ERLEC1: variants seen among roughly 807,000 people sequenced by gnomAD.
The protein encoded by ERLEC1 is ER lectin.
ERLEC1 carries 47 observed loss-of-function variants against 68.0 expected under a neutral mutation model. That is an observed-to-expected ratio of 0.69 (90% CI 0.55 to 0.88). The LOEUF (loss-of-function observed/expected upper bound fraction) is 0.88, where lower values mean the gene tolerates loss of function less well. ERLEC1 is among the 40% of genes least tolerant of loss of function. ERLEC1 has a pLI of 0.00. For missense variants in ERLEC1, 567 were observed against 583.8 expected (o/e 0.97, Z 0.30); for synonymous variants, 225 against 203.2 (o/e 1.11, Z -0.91).
intron 2 of ERLEC1, among the ~76,000 whole-genome samples, 198 bp downstream of exon 2, chr2:53,794,647 T>A (rs888417132): frequency 1.3e-5 from 2 of 152,214 alleles, no homozygotes; most frequent in African/African-American, 2.4e-5. Flanking sequence ...AATCAATTTT[T>A]TTTTATTTTA....
At chr2:53,808,114 A>G (rs13387291) in intron 8 of ERLEC1, among the ~76,000 whole-genome samples, 185 bp from the exon 9 acceptor site, 18,940 of 152,164 alleles carry the variant, frequency 0.12, 2,013 homozygotes, top group African/African-American at 0.29. Flanking sequence ...AGATGGAACT[A>G]ACATTTGTCT....
rs184178068 is a variant in ERLEC1, at chr2:53,811,415, C to T, written c.1102-1534C>T. Among the ~76,000 whole-genome samples the T allele has an allele frequency of 3.9e-5, 6 of 152,332 alleles. 1 individual carries two copies. Among genetic ancestry groups the T allele is most frequent in the Admixed American group, 3.9e-4 (6 of 15,302 alleles). Reference sequence around the variant, plus strand: ...CCTTCCAGAGTTAGACCAGTTTACACTCCCATAAACAGTGGCTACATTCCT... The same window carrying T: ...CCTTCCAGAGTTAGACCAGTTTACATTCCCATAAACAGTGGCTACATTCCT... On this transcript the variant is annotated intron_variant, in intron 10 of 13. Transcript: ENST00000185150.
At chr2:53,790,427 T>C (rs142463022) in intron 1 of ERLEC1, among the ~76,000 whole-genome samples, 32 of 152,174 alleles carry the variant, frequency 2.1e-4, no homozygotes, top group African/African-American at 6.7e-4. Flanking sequence ...CTAACTAATA[T>C]GCAGCTGTAT....
chr2:53,810,518 G>T (rs1212694626), intron 10 of ERLEC1, among the ~76,000 whole-genome samples: 1 of 152,100 alleles, frequency 6.6e-6, no homozygotes, highest in African/African-American at 2.4e-5. Context: ...AAGCTGCTAG[G>T]TATTGAAGAC....
Position 53,814,850 on chromosome 2 carries a change from TC to T in ERLEC1, c.1305-9del. The T allele has an allele frequency of 6.3e-7, 1 of 1,596,398 alleles. No individual in the cohort carries two copies. The highest frequency in any genetic ancestry group is 8.6e-7 in the Non-Finnish European group (1 of 1,166,342). ...ATTTGGACAGTACCTTAAAGTGCTCTCTGTTTTAGGTGCAAAGAATCAGATT... is the reference window on the plus strand; with the variant it reads ...ATTTGGACAGTACCTTAAAGTGCTCTTGTTTTAGGTGCAAAGAATCAGATT... On this transcript the variant is annotated splice_polypyrimidine_tract_variant and intron_variant, in intron 12 of 13. Coordinates refer to ENST00000185150, the MANE Select transcript of ERLEC1 (RefSeq NM_015701.5).
rs571121329 is a variant in ERLEC1, at chr2:53,804,903, G to A, written c.879+3061G>A. ...AGATCCCGTAAATAAGTGAGAACAT[G>A]GGATGTTTGTTTTTCCGTGCATGGC... On this transcript the variant is annotated intron_variant, in intron 8 of 13. Transcript: ENST00000185150. 4.6e-5 allele frequency among the ~76,000 whole-genome samples: 7 copies of A among 151,846 alleles called. No individual in the cohort carries two copies. In the East Asian group the frequency reaches 1.4e-3, roughly 29 times the overall value.
chr2:53,798,432 C>A (rs184613279), intron 5 of ERLEC1, among the ~76,000 whole-genome samples: 10 of 151,820 alleles, frequency 6.6e-5, no homozygotes, highest in Non-Finnish European at 1.5e-5. Context: ...CACTAATTTT[C>A]GTATTTGTTG....
chr2:53,802,818 G>C (rs1051802488), intron 8 of ERLEC1, among the ~76,000 whole-genome samples: 12 of 151,998 alleles, frequency 7.9e-5, no homozygotes, highest in African/African-American at 2.9e-4. Context: ...TGCAGTCTCC[G>C]CCTCCCTAGT....
intron 10 of ERLEC1, 32 bp downstream of exon 10, chr2:53,809,305 A>G: frequency 7.2e-7 from 1 of 1,398,420 alleles, no homozygotes; most frequent in Non-Finnish European, 9.6e-7. Context: ...TCATTCTACC[A>G]CTAGATGGTT....
intron 2 of ERLEC1, among the ~76,000 whole-genome samples, chr2:53,795,495 T>TA (rs1675645773): frequency 1.3e-5 from 2 of 152,258 alleles, no homozygotes; most frequent in South Asian, 4.1e-4. Flanking sequence ...TAAAAATACA[T>TA]AAAAAACTGA....
chr2:53,801,496 A>C lies in ERLEC1; in HGVS notation c.625A>C (p.Ser209Arg). Residue 209 changes from serine (S) to arginine (R), a missense_variant, in exon 7 of 14, where the codon AGT (serine) becomes CGT (arginine). Physicochemically the swap from Ser to Arg is moderately radical, Grantham distance 110. Transcript: ENST00000185150. ...TTTGAAACAGAACCGGCCCAGATCA[A>C]GTACTGTGATGTACATATGTCATCC... Reference protein sequence around the residue: ...CSLKQNRPRSSTVMYICHPES... With the variant: ...CSLKQNRPRSRTVMYICHPES... The C allele has an allele frequency of 6.2e-7, 1 of 1,614,136 alleles. No individual in the cohort carries two copies. The highest frequency in any genetic ancestry group is 8.5e-7 in the Non-Finnish European group (1 of 1,179,980).
intron 2 of ERLEC1, 97 bp from the exon 3 acceptor site, chr2:53,795,836 A>C: frequency 2.6e-6 from 2 of 758,066 alleles, no homozygotes; most frequent in South Asian, 3.5e-5. Flanking sequence ...TTTTATTTCT[A>C]AGCATTTGTG....
chr2:53,799,546 T>C (rs1347897368), intron 6 of ERLEC1, among the ~76,000 whole-genome samples: 1 of 152,070 alleles, frequency 6.6e-6, no homozygotes, highest in African/African-American at 2.4e-5. Flanking sequence ...TTATAGGCAC[T>C]TCATAAATGT....
At chr2:53,800,701 G>A (rs549278108) in intron 6 of ERLEC1, among the ~76,000 whole-genome samples, 1 of 152,078 alleles carries the variant, frequency 6.6e-6, no homozygotes. Flanking sequence ...TTTATGTAGA[G>A]AAAAGTGTAG....
At chr2:53,809,854 G>A (rs959958651) in intron 10 of ERLEC1, among the ~76,000 whole-genome samples, 3 of 151,818 alleles carry the variant, frequency 2.0e-5, no homozygotes, top group South Asian at 2.1e-4. Context: ...TCAGGAGTTC[G>A]AGACCAGCCT....
At chr2:53,814,423 C>A in intron 11 of ERLEC1, 120 bp from the exon 12 acceptor site, 1 of 556,608 alleles carries the variant, frequency 1.8e-6, no homozygotes, top group Non-Finnish European at 3.1e-6. Context: ...ATTTTATAGT[C>A]AGGTTTTTTT....
intron 3 of ERLEC1, among the ~76,000 whole-genome samples, chr2:53,796,366 A>G (rs985294859): frequency 2.0e-5 from 3 of 150,034 alleles, no homozygotes; most frequent in African/African-American, 7.4e-5. Flanking sequence ...GCTCCCATTT[A>G]TATAAATGAG....
Position 53,815,024 on chromosome 2 carries a change from T to C in ERLEC1, c.1380+89T>C, listed in dbSNP as rs1212086061. On this transcript the variant is annotated intron_variant, in intron 13 of 13. Coordinates refer to ENST00000185150, the MANE Select transcript of ERLEC1 (RefSeq NM_015701.5). ...TTTTTTTTTTTTTTTTTTGTTTTTT[T>C]GAGACGGAGTCTTGCTCTGTGGCTC... 4 of 832,960 alleles carry C rather than the reference T, an allele frequency of 4.8e-6. No individual in the cohort carries two copies. In the Admixed American group the frequency reaches 1.1e-4, roughly 23 times the overall value. 51.6% of individuals were successfully genotyped at this position (832,960 alleles called of 1,614,324 possible).
intron 8 of ERLEC1, among the ~76,000 whole-genome samples, chr2:53,802,798 C>A (rs947357825): frequency 6.6e-6 from 1 of 152,180 alleles, no homozygotes; most frequent in Non-Finnish European, 1.5e-5. Context: ...GTGGCATGAT[C>A]TCGGCTTACT....
Sources: allele counts gnomAD v4.1 joint callset (sites outside exome capture counted in the v4.1 genomes callset), GRCh38; gene constraint gnomAD v4.1.1; transcripts MANE v1.5; gene names NCBI Gene and HGNC (gene_info 2026-07-23, HGNC 2026-07-21).